SPIDR: variants seen among roughly 807,000 people sequenced by gnomAD.
The protein encoded by SPIDR is scaffold protein involved in DNA repair.
Under a neutral mutation model 104.6 loss-of-function variants are expected in SPIDR, and 93 were observed. The observed-to-expected ratio is 0.89, with a 90% CI of 0.75 to 1.06. SPIDR has a LOEUF of 1.06. Among genes scored for constraint, SPIDR ranks in the 50% least tolerant of loss-of-function variants. The pLI is 0.00. For synonymous variants in SPIDR, 431 were observed against 416.9 expected (o/e 1.03, Z -0.41); for missense variants, 1,154 against 1,111.2 (o/e 1.04, Z -0.55).
intron 10 of SPIDR, among the ~76,000 whole-genome samples, chr8:47,657,721 A>G (rs1588901192): frequency 6.6e-6 from 1 of 152,272 alleles, no homozygotes; most frequent in South Asian, 2.1e-4. Flanking sequence ...AATTAACTCA[A>G]TAAAAATTTC....
At chr8:47,659,073 C>A (rs1375693335) in intron 10 of SPIDR, among the ~76,000 whole-genome samples, 2 of 152,012 alleles carry the variant, frequency 1.3e-5, no homozygotes, top group Non-Finnish European at 2.9e-5. Flanking sequence ...GCCTGGGCAA[C>A]ATGGCCTAGC....
At chr8:47,475,814 C>T (rs1345451748) in intron 8 of SPIDR, among the ~76,000 whole-genome samples, 6 of 152,122 alleles carry the variant, frequency 3.9e-5, no homozygotes, top group East Asian at 1.9e-4. Context: ...ATCCGCCCCC[C>T]GCACCCCTTT....
intron 2 of SPIDR, 55 bp downstream of exon 2, chr8:47,280,072 T>C: frequency 6.4e-7 from 1 of 1,550,476 alleles, no homozygotes; most frequent in African/African-American, 1.4e-5. Flanking sequence ...ATCCTGAGTG[T>C]TCAGAACATT....
chr8:47,505,611 C>G (rs188657761), intron 8 of SPIDR, among the ~76,000 whole-genome samples: 1 of 152,218 alleles, frequency 6.6e-6, no homozygotes, highest in African/African-American at 2.4e-5. Context: ...CGCCCTGCTT[C>G]GGCTCATGCT....
chr8:47,704,944 G>A (rs1219375576), intron 14 of SPIDR, among the ~76,000 whole-genome samples: 2 of 152,218 alleles, frequency 1.3e-5, no homozygotes, highest in African/African-American at 2.4e-5. Context: ...GTCAGTGTGT[G>A]TAGGGATGCC....
At chr8:47,374,296 A>G (rs1217781436) in intron 5 of SPIDR, among the ~76,000 whole-genome samples, 1 of 152,090 alleles carries the variant, frequency 6.6e-6, no homozygotes, top group Non-Finnish European at 1.5e-5. Context: ...CTGAGATAGA[A>G]GGATCACTTG....
intron 6 of SPIDR, among the ~76,000 whole-genome samples, chr8:47,402,125 A>G (rs2061984987): frequency 6.6e-6 from 1 of 152,222 alleles, no homozygotes; most frequent in Non-Finnish European, 1.5e-5. Flanking sequence ...AGAAATTATA[A>G]CAAAATGTCT....
At chr8:47,522,950 ATG>A (rs1327868401) in intron 8 of SPIDR, among the ~76,000 whole-genome samples, 4 of 151,112 alleles carry the variant, frequency 2.6e-5, no homozygotes, top group Non-Finnish European at 4.4e-5. Flanking sequence ...TTTTTGTTGT[ATG>A]TGTGTGTGTG....
chr8:47,290,778 C>T (rs1007629246), intron 3 of SPIDR, among the ~76,000 whole-genome samples: 1 of 152,156 alleles, frequency 6.6e-6, no homozygotes, highest in Non-Finnish European at 1.5e-5. Context: ...CATTTGTGCT[C>T]TAGTCACTTT....
intron 9 of SPIDR, 60 bp from the exon 10 acceptor site, chr8:47,598,886 T>A: frequency 1.2e-6 from 2 of 1,602,954 alleles, no homozygotes; most frequent in Non-Finnish European, 1.7e-6. Flanking sequence ...TGTTGCTTGT[T>A]GTTAGCCGAA....
At chr8:47,334,776 A>G (rs1172836631) in intron 5 of SPIDR, among the ~76,000 whole-genome samples, 1 of 152,174 alleles carries the variant, frequency 6.6e-6, no homozygotes, top group African/African-American at 2.4e-5. Flanking sequence ...TTGGATTAAT[A>G]TCTACCATAT....
intron 7 of SPIDR, among the ~76,000 whole-genome samples, chr8:47,420,424 A>T (rs1166539855): frequency 2.0e-5 from 3 of 152,078 alleles, no homozygotes; most frequent in Non-Finnish European, 4.4e-5. Flanking sequence ...TTTATCAGAG[A>T]CTAGGATTGC....
intron 8 of SPIDR, among the ~76,000 whole-genome samples, chr8:47,444,684 T>G (rs1490507403): frequency 6.6e-6 from 1 of 152,250 alleles, no homozygotes; most frequent in Non-Finnish European, 1.5e-5. Flanking sequence ...AGACTATTTC[T>G]AGAAGTAGAA....
intron 1 of SPIDR, among the ~76,000 whole-genome samples, chr8:47,262,369 T>C (rs1024678812): frequency 1.3e-5 from 2 of 152,252 alleles, no homozygotes; most frequent in Non-Finnish European, 2.9e-5. Context: ...GTCTATTGTG[T>C]AATACGTTGC....
chr8:47,291,033 A>C lies in SPIDR; in HGVS notation c.257A>C (p.Glu86Ala). The change falls in exon 4 of 20, where the codon GAA becomes GCA. Residue 86 changes from glutamate to alanine, a missense_variant and splice_region_variant. Physicochemically the swap from Glu to Ala is moderately radical, Grantham distance 107 (BLOSUM62 -1). Coordinates refer to ENST00000297423, the MANE Select transcript of SPIDR (RefSeq NM_001080394.4). The stretch of plus-strand genomic sequence containing the variant: ...TATGTGCTTTCTTTTCCTTCAACAG[A>C]AACCACCACATCTAAAAGCACCAGT... ...HLELCPRPKQ[E>A]TTTSKSTSGL... 1 of 1,604,480 alleles carries C rather than the reference A, an allele frequency of 6.2e-7. No homozygotes were observed. Among genetic ancestry groups the C allele is most frequent in the Non-Finnish European group, 8.5e-7 (1 of 1,173,810 alleles).
chr8:47,375,401 C>G (rs1461129033), intron 5 of SPIDR, among the ~76,000 whole-genome samples: 1 of 151,556 alleles, frequency 6.6e-6, no homozygotes, highest in Non-Finnish European at 1.5e-5. Flanking sequence ...ACCACCGTGC[C>G]CAGCTAATTT....
At chr8:47,303,584 C>G (rs1421613403) in intron 5 of SPIDR, among the ~76,000 whole-genome samples, 1 of 152,182 alleles carries the variant, frequency 6.6e-6, no homozygotes, top group African/African-American at 2.4e-5. Flanking sequence ...GCCATCTTGG[C>G]TCCACCCCTT....
At chr8:47,666,257 C>T (rs1243904491) in intron 10 of SPIDR, among the ~76,000 whole-genome samples, 1 of 152,138 alleles carries the variant, frequency 6.6e-6, no homozygotes, top group Non-Finnish European at 1.5e-5. Flanking sequence ...GCTCAGTAGC[C>T]ACATATGGCT....
intron 5 of SPIDR, among the ~76,000 whole-genome samples, chr8:47,302,215 C>G (rs1211638779): frequency 3.6e-4 from 54 of 151,540 alleles, no homozygotes; most frequent in Middle Eastern, 3.4e-3. Flanking sequence ...TCACTGATAC[C>G]CTTTCTTCCA....
Sources: allele counts gnomAD v4.1 joint callset (sites outside exome capture counted in the v4.1 genomes callset), GRCh38; gene constraint gnomAD v4.1.1; transcripts MANE v1.5; gene names NCBI Gene and HGNC (gene_info 2026-07-23, HGNC 2026-07-21).